The following NTRK3 variants were observed in gnomAD, a reference collection of about 807,000 sequenced individuals.
NTRK3 encodes the protein neurotrophic receptor tyrosine kinase 3, also known as NT-3 growth factor receptor.
Under a neutral mutation model 91.7 loss-of-function variants are expected in NTRK3, and 24 were observed. That is an observed-to-expected ratio of 0.26 (90% CI 0.19 to 0.37). The LOEUF (loss-of-function observed/expected upper bound fraction) is 0.37. Ranked by LOEUF, NTRK3 falls within the 10% of genes least tolerant of loss-of-function variation. The pLI, the probability that NTRK3 is intolerant of heterozygous loss-of-function variation, is 1.00. For missense variants in NTRK3, 880 were observed against 1,068.9 expected, an observed-to-expected ratio of 0.82 and a Z score of 2.46; for synonymous variants, 483 against 404.0, an observed-to-expected ratio of 1.20 and a Z score of -2.34.
In NTRK3 at chr15:88,106,215, C is replaced by T. The variant is rs564830758; in HGVS notation, c.1396+20056G>A. On this transcript the variant is annotated intron_variant, in intron 13 of 18. Transcript: ENST00000394480. ...ATGGATGCAGCGGCTGCTACAGCGG[C>T]CGGCAGGACAAGGTTGGCTTGGCTT... Among the ~76,000 whole-genome samples, 11 of 152,326 alleles carry T rather than the reference C, an allele frequency of 7.2e-5. No individual in the cohort carries two copies. In the East Asian group the frequency reaches 2.1e-3, roughly 29 times the overall value.
At chr15:87,921,176 C>T (rs2067839393) in intron 17 of NTRK3, among the ~76,000 whole-genome samples, 1 of 152,140 alleles carries the variant, frequency 6.6e-6, no homozygotes, top group Non-Finnish European at 1.5e-5. Flanking sequence ...GAATACAACG[C>T]TCCTCCATTG....
intron 13 of NTRK3, among the ~76,000 whole-genome samples, chr15:88,109,132 G>A (rs1018499234): frequency 1.3e-5 from 2 of 152,104 alleles, no homozygotes; most frequent in South Asian, 4.2e-4. Context: ...AAATTTCCCC[G>A]TTAAGCAAAC....
intron 13 of NTRK3, among the ~76,000 whole-genome samples, chr15:88,081,930 C>G (rs60478944): frequency 0.049 from 7,515 of 152,236 alleles, 619 homozygotes; most frequent in African/African-American, 0.17. Flanking sequence ...TTTGCTTTTT[C>G]TTTCCAAGGG....
intron 3 of NTRK3, among the ~76,000 whole-genome samples, chr15:88,246,907 T>C (rs1376463405): frequency 6.6e-6 from 1 of 152,144 alleles, no homozygotes; most frequent in Non-Finnish European, 1.5e-5. Flanking sequence ...GGGCTGACAG[T>C]GCACTTCTCA....
chr15:87,942,240 T>C (rs1037089520), intron 14 of NTRK3, among the ~76,000 whole-genome samples: 1 of 152,236 alleles, frequency 6.6e-6, no homozygotes, highest in African/African-American at 2.4e-5. Context: ...AGGACAGACC[T>C]GCACGTTAAC....
At chr15:88,065,644 C>T (rs1460384557) in intron 13 of NTRK3, among the ~76,000 whole-genome samples, 3 of 152,138 alleles carry the variant, frequency 2.0e-5, no homozygotes, top group Non-Finnish European at 4.4e-5. Context: ...GGGTACAAGT[C>T]CAGCTAGAAA....
chr15:88,019,462 C>A (rs1031755979), intron 14 of NTRK3, among the ~76,000 whole-genome samples: 22 of 152,208 alleles, frequency 1.4e-4, no homozygotes, highest in African/African-American at 5.3e-4. Context: ...CCATTCCCAG[C>A]CCCAGGGGAG....
intron 13 of NTRK3, among the ~76,000 whole-genome samples, chr15:88,093,066 T>G (rs1248984354): frequency 2.0e-5 from 3 of 149,494 alleles, no homozygotes; most frequent in Admixed American, 6.7e-5. Context: ...GTTTTTTTTG[T>G]TTTTTTTGTT....
At chr15:88,085,674 A>G (rs1310653113) in intron 13 of NTRK3, among the ~76,000 whole-genome samples, 1 of 152,218 alleles carries the variant, frequency 6.6e-6, no homozygotes, top group South Asian at 2.1e-4. Flanking sequence ...TAACTAAGAT[A>G]CATTGCTTAC....
intron 14 of NTRK3, among the ~76,000 whole-genome samples, chr15:88,021,885 T>C (rs1297012977): frequency 6.6e-6 from 1 of 152,172 alleles, no homozygotes; most frequent in Non-Finnish European, 1.5e-5. Flanking sequence ...AGAACACTAA[T>C]AGAGACCACC....
intron 14 of NTRK3, among the ~76,000 whole-genome samples, chr15:87,997,480 T>A (rs1014139231): frequency 2.6e-5 from 4 of 152,170 alleles, no homozygotes; most frequent in Admixed American, 1.3e-4. Flanking sequence ...CCGCTTGTTA[T>A]TCCACTAAAT....
At chr15:88,202,536 G>A (rs982740379) in intron 3 of NTRK3, among the ~76,000 whole-genome samples, 1 of 152,214 alleles carries the variant, frequency 6.6e-6, no homozygotes, top group African/African-American at 2.4e-5. Context: ...TCATTTGGGG[G>A]AGTTATGGAG....
chr15:87,965,970 C>T (rs536393349), intron 14 of NTRK3, among the ~76,000 whole-genome samples: 6 of 151,906 alleles, frequency 3.9e-5, no homozygotes, highest in Non-Finnish European at 7.4e-5. Context: ...CCCAGCTACT[C>T]GGGAGGCTGA....
intron 3 of NTRK3, among the ~76,000 whole-genome samples, chr15:88,214,541 C>T (rs2049558229): frequency 6.6e-6 from 1 of 151,918 alleles, no homozygotes; most frequent in African/African-American, 2.4e-5. Flanking sequence ...TTCTGAGCTG[C>T]AGAGTAGACA....
At chr15:88,168,586 C>T (rs180690301) in intron 5 of NTRK3, among the ~76,000 whole-genome samples, 9 of 152,366 alleles carry the variant, frequency 5.9e-5, no homozygotes, top group East Asian at 5.8e-4. Flanking sequence ...CTGGCATCAG[C>T]GAAGGTTTCT....
intron 14 of NTRK3, among the ~76,000 whole-genome samples, chr15:87,948,324 A>C (rs558582628): frequency 1.2e-3 from 187 of 152,382 alleles, no homozygotes; most frequent in African/African-American, 4.0e-3. Context: ...TTCTAAGAGA[A>C]GACATTTTGA....
rs1369418 is a variant in NTRK3, at chr15:87,869,513, C to T, written c.*7422G>A. ...AATGAAAGTTTTCTGCTTTGTGTGC[C>T]GAATCATTCGGTCCAATTTTCTCAC... On this transcript the variant is annotated 3_prime_UTR_variant, in exon 19 of 19. Transcript: ENST00000394480. The T allele has an allele frequency of 6.8e-3, 1,475 of 218,158 alleles. 24 individuals carry two copies. Among genetic ancestry groups the T allele is most frequent in the East Asian group, 0.031 (456 of 14,892 alleles). 13.5% of individuals were successfully genotyped at this position (218,158 alleles called of 1,614,324 possible). A position where few individuals can be genotyped will look rare whatever the true frequency, so the allele number is the denominator to read the frequency against.
chr15:88,109,529 G>A (rs2051093152), intron 13 of NTRK3, among the ~76,000 whole-genome samples: 3 of 152,146 alleles, frequency 2.0e-5, no homozygotes, highest in East Asian at 1.9e-4. Flanking sequence ...TGCCAGAGAC[G>A]TCGTGGGAGC....
chr15:87,866,644 A>G lies in NTRK3; in HGVS notation c.*10291T>C, dbSNP rs2064687834. 1.6e-5 allele frequency: 3 copies of G among 188,092 alleles called. No individual in the cohort carries two copies. In the South Asian group the frequency reaches 5.8e-4, roughly 37 times the overall value. The allele number at this position is 188,092 out of a possible 1,614,324, so 11.7% of individuals were successfully genotyped here. On this transcript the variant is annotated 3_prime_UTR_variant, in exon 19 of 19. Coordinates refer to ENST00000394480, the Ensembl canonical transcript of NTRK3. ...ACAGAGTTGAAGTATCTATTGATAC[A>G]TAATGATTTGGGGAATAGATGGTTT...
Sources: allele counts gnomAD v4.1 joint callset (sites outside exome capture counted in the v4.1 genomes callset), GRCh38; gene constraint gnomAD v4.1.1; transcripts MANE v1.5; gene names NCBI Gene and HGNC (gene_info 2026-07-23, HGNC 2026-07-21).